The following CSMD3 variants were observed in gnomAD, a reference collection of about 807,000 sequenced individuals.
The protein encoded by CSMD3 is CUB and sushi domain-containing protein 3.
Under a neutral mutation model 435.2 loss-of-function variants are expected in CSMD3, and 177 were observed. That is an observed-to-expected ratio of 0.41 (90% CI 0.36 to 0.46). The LOEUF is 0.46. Among genes scored for constraint, CSMD3 ranks in the 20% least tolerant of loss-of-function variants. The pLI is 0.34. For missense variants in CSMD3, 4,265 were observed against 4,504.6 expected (o/e 0.95, Z 1.52); for synonymous variants, 1,656 against 1,520.5 (o/e 1.09, Z -2.07).
intron 1 of CSMD3, among the ~76,000 whole-genome samples, chr8:113,316,197 A>G (rs1309279006): frequency 1.3e-5 from 2 of 152,200 alleles, no homozygotes; most frequent in East Asian, 1.9e-4. Flanking sequence ...AGATGTTATT[A>G]TCTTTATCTG....
chr8:112,317,112 T>C (rs558605577), intron 47 of CSMD3, among the ~76,000 whole-genome samples: 54 of 152,044 alleles, frequency 3.6e-4, no homozygotes, highest in Middle Eastern at 3.4e-3. Flanking sequence ...TAAAGGATGA[T>C]TTATTAACTT....
At chr8:113,143,543 G>A (rs529583677) in intron 4 of CSMD3, among the ~76,000 whole-genome samples, 3 of 151,526 alleles carry the variant, frequency 2.0e-5, no homozygotes, top group African/African-American at 7.2e-5. Context: ...ACTGTAAACA[G>A]TGAAGATATC....
chr8:112,645,273 G>A (rs2131613687), intron 19 of CSMD3, 48 bp from the exon 20 acceptor site: 1 of 1,008,982 alleles, frequency 9.9e-7, no homozygotes, highest in Non-Finnish European at 1.6e-6. Context: ...GAGAGAGACA[G>A]AGGGTGAACA....
intron 19 of CSMD3, among the ~76,000 whole-genome samples, chr8:112,648,936 G>T (rs1279005650): frequency 3.9e-5 from 6 of 152,098 alleles, no homozygotes; most frequent in African/African-American, 1.4e-4. Context: ...TACTAGTTTA[G>T]ATATGGATGA....
chr8:113,174,258 A>T (rs1254436914), intron 3 of CSMD3, among the ~76,000 whole-genome samples: 4 of 152,198 alleles, frequency 2.6e-5, no homozygotes, highest in African/African-American at 9.6e-5. Context: ...CTAATAACAT[A>T]GTAATAAGCA....
At chr8:112,270,367 T>TGTGTGTGTGTGTTAGGGGTGA (rs1554623036) in intron 59 of CSMD3, among the ~76,000 whole-genome samples, 55 of 150,328 alleles carry the variant, frequency 3.7e-4, no homozygotes, top group Admixed American at 3.3e-3. Flanking sequence ...TGTGTGTGTG[T>TGTGTGTGTGTGTTAGGGGTGA]GTGTGTGTGT....
rs1252079864 is a variant in CSMD3 at position 112,608,605 on chromosome 8, C to CAT, written c.3716-21371_3716-21370insAT. On this transcript the variant is annotated intron_variant, in intron 22 of 70. Transcript: ENST00000297405. Reference sequence around the variant, plus strand: ...AAAACTATATATATATATATACATACACACACACACACGTATGTGTTTTTA... The same window carrying CAT: ...AAAACTATATATATATATATACATACATACACACACACACGTATGTGTTTTTA... Among the ~76,000 whole-genome samples the CAT allele has an allele frequency of 2.7e-3, 402 of 150,746 alleles. 1 individual carries two copies. Among genetic ancestry groups the CAT allele is most frequent in the African/African-American group, 9.3e-3 (383 of 40,974 alleles).
In CSMD3 at chr8:112,874,805, G is replaced by C. The variant is rs1159649912; in HGVS notation, c.1634-15539C>G. 3.3e-5 allele frequency among the ~76,000 whole-genome samples: 5 copies of C among 152,110 alleles called. No homozygotes were observed. In the East Asian group the frequency reaches 9.7e-4, roughly 29 times the overall value. ...CTCCATCCCTTTATGTTGAGCCTAT[G>C]TATATCTTTGCACTTGAGATGAGTC... On this transcript the variant is annotated intron_variant, in intron 10 of 70. Transcript: ENST00000297405.
At chr8:112,613,173 C>A (rs1337920580) in intron 22 of CSMD3, among the ~76,000 whole-genome samples, 1 of 152,032 alleles carries the variant, frequency 6.6e-6, no homozygotes, top group African/African-American at 2.4e-5. Context: ...AAGGTTGTCA[C>A]CTAAAGGTGT....
chr8:112,683,259 A>G (rs1296670815), intron 15 of CSMD3, among the ~76,000 whole-genome samples: 1 of 152,084 alleles, frequency 6.6e-6, no homozygotes, highest in Non-Finnish European at 1.5e-5. Context: ...AGAATAGCTG[A>G]TGAGGAAAGT....
chr8:112,233,286 C>A (rs1310418470), intron 68 of CSMD3, among the ~76,000 whole-genome samples: 3 of 152,036 alleles, frequency 2.0e-5, no homozygotes, highest in Admixed American at 1.3e-4. Flanking sequence ...GATACCAAAC[C>A]ACCCATGCAA....
chr8:112,694,113 CTAAT>C (rs2131842941), intron 13 of CSMD3, among the ~76,000 whole-genome samples: 1 of 151,346 alleles, frequency 6.6e-6, no homozygotes, highest in Admixed American at 6.6e-5. Context: ...GGTATCTACT[CTAAT>C]TATTTTAAAA....
chr8:113,136,967 A>G (rs1201192956), intron 4 of CSMD3, among the ~76,000 whole-genome samples: 1 of 151,768 alleles, frequency 6.6e-6, no homozygotes, highest in East Asian at 1.9e-4. Flanking sequence ...AAATTTACAC[A>G]GAAATAAATT....
chr8:113,197,702 AAAACGATCTTATAG>A (rs1369757457), intron 3 of CSMD3, among the ~76,000 whole-genome samples: 5 of 151,370 alleles, frequency 3.3e-5, no homozygotes, highest in Admixed American at 6.6e-5. Context: ...TACACATTTT[AAAACGATCTTATAG>A]TACAGAATAT....
intron 5 of CSMD3, among the ~76,000 whole-genome samples, chr8:113,047,125 C>G (rs2087871317): frequency 6.6e-6 from 1 of 152,202 alleles, no homozygotes; most frequent in Admixed American, 6.5e-5. Flanking sequence ...GACATGCACT[C>G]AGGGAGCTGA....
At chr8:112,412,339 C>T (rs1811439935) in intron 32 of CSMD3, among the ~76,000 whole-genome samples, 1 of 131,464 alleles carries the variant, frequency 7.6e-6, no homozygotes, top group Non-Finnish European at 1.6e-5. Flanking sequence ...CTGATTATGC[C>T]TTTTGCATGA....
In CSMD3 at chr8:112,584,714, A is replaced by G. The variant is rs944831020; in HGVS notation, c.3885+2352T>C. On this transcript the variant is annotated intron_variant, in intron 23 of 70. Transcript: ENST00000297405. ...AAAAATATAATCAATGCTACCACAT[A>G]AAAGAAAAAGCAATGATTTTAAATT... Among the ~76,000 whole-genome samples the G allele has an allele frequency of 7.2e-5, 11 of 151,898 alleles. No individual in the cohort carries two copies. In the South Asian group the frequency reaches 8.3e-4, roughly 11 times the overall value.
At chr8:113,107,540 C>A (rs1027106568) in intron 4 of CSMD3, among the ~76,000 whole-genome samples, 2 of 152,192 alleles carry the variant, frequency 1.3e-5, no homozygotes, top group South Asian at 4.1e-4. Context: ...GAAAAGTCAG[C>A]CCACCCTATA....
intron 27 of CSMD3, among the ~76,000 whole-genome samples, chr8:112,534,346 C>A (rs1044529629): frequency 6.6e-6 from 1 of 152,050 alleles, no homozygotes; most frequent in Admixed American, 6.6e-5. Context: ...GGGGATATCA[C>A]CACCAATCCC....
Sources: gnomAD v4.1 joint callset for allele counts (sites outside exome capture counted in the v4.1 genomes callset) on GRCh38, gnomAD v4.1.1 for gene constraint, MANE v1.5 for transcripts, NCBI Gene and HGNC (gene_info 2026-07-23, HGNC 2026-07-21) for gene names.